Variants in C1QTNF8 observed in about 807,000 individuals in gnomAD.
C1QTNF8 encodes the protein C1q and TNF related 8, also known as complement C1q tumor necrosis factor-related protein 8.
A neutral mutation model predicts 19.2 loss-of-function variants in C1QTNF8; 27 were observed. That is an observed-to-expected ratio of 1.41 (90% CI 1.04 to 1.94). The LOEUF (loss-of-function observed/expected upper bound fraction) is 1.94. Ranked by LOEUF, C1QTNF8 falls within the 30% of genes most tolerant of loss-of-function variation. The probability of loss-of-function intolerance (pLI) is 0.00; values close to 1 mark genes in which losing one functional copy is unlikely to be tolerated. For missense variants in C1QTNF8, 484 were observed against 374.4 expected (o/e 1.29, Z -2.42); for synonymous variants, 208 against 172.8 (o/e 1.20, Z -1.60).
In C1QTNF8 at chr16:1,088,619, T is replaced by G. The variant is rs774959319; in HGVS notation, c.*1980A>C. Among the ~76,000 whole-genome samples the G allele has an allele frequency of 3.9e-5, 6 of 152,212 alleles. No homozygotes were observed. Among genetic ancestry groups the G allele is most frequent in the Non-Finnish European group, 8.8e-5 (6 of 68,034 alleles). ...CTCACTTTCAGTTCTCAGTCATTGTTTTTTAAACAAATAAACCTGGAAGGT... is the reference window on the plus strand; with the variant it reads ...CTCACTTTCAGTTCTCAGTCATTGTGTTTTAAACAAATAAACCTGGAAGGT... On this transcript the variant is annotated 3_prime_UTR_variant, in exon 5 of 5. Transcript: ENST00000328449.
rs1382096158 is a variant in C1QTNF8 at position 1,088,330 on chromosome 16, T to TC, written c.*2268dup. Among the ~76,000 whole-genome samples, 1 of 152,266 alleles carries TC rather than the reference T, an allele frequency of 6.6e-6. No homozygotes were observed. The highest frequency in any genetic ancestry group is 1.5e-5 in the Non-Finnish European group (1 of 68,046). ...GCTTGCCTGGAATGTCACAGGGATG[T>TC]CCCCGCGGGAAGCCGCGTTCCCCAG... On this transcript the variant is annotated 3_prime_UTR_variant, in exon 5 of 5. Transcript: ENST00000328449.
In C1QTNF8 at chr16:1,092,560, C is replaced by T. The variant is rs868314860; in HGVS notation, c.*4+937G>A. Among the ~76,000 whole-genome samples the T allele has an allele frequency of 4.7e-5, 6 of 127,560 alleles. No individual in the cohort carries two copies. In the South Asian group the frequency reaches 1.5e-3, roughly 32 times the overall value. The allele number at this position is 127,560 out of a possible 152,430, so 83.7% of individuals were successfully genotyped here. On this transcript the variant is annotated intron_variant, in intron 4 of 4. Transcript: ENST00000328449. The stretch of plus-strand genomic sequence containing the variant: ...ACAGTCGGCGCTCAATCAATCCCTG[C>T]ACACAGTCGGCGCTCAACCAATCCC...
At position 1,090,193 on chromosome 16, in the gene C1QTNF8, G is replaced by C. The variant is rs912916831; in HGVS notation, c.*406C>G. The C allele has an allele frequency of 2.0e-5, 3 of 152,434 alleles. No homozygotes were observed. The highest frequency in any genetic ancestry group is 2.9e-5 in the Non-Finnish European group (2 of 68,202). The allele number at this position is 152,434 out of a possible 1,614,324, so 9.4% of individuals were successfully genotyped here. A position where few individuals can be genotyped will look rare whatever the true frequency, so the allele number is the denominator to read the frequency against. On this transcript the variant is annotated 3_prime_UTR_variant, in exon 5 of 5. Transcript: ENST00000328449. ...ACACAAGGTGGGACTTGAGTACGGG[G>C]CCACTTGGGGGTGCTGAGGGGCAGC...
At position 1,089,287 on chromosome 16, in the gene C1QTNF8, C is replaced by G. The variant is rs1960494997; in HGVS notation, c.*1312G>C. ...CATGGCCAGCCGGGACCCCCACCCC[C>G]AGCAGCCCATACCCCCCACCTCTGG... On this transcript the variant is annotated 3_prime_UTR_variant, in exon 5 of 5. Transcript: ENST00000328449. 6.6e-6 allele frequency among the ~76,000 whole-genome samples: 1 copy of G among 152,166 alleles called. No individual in the cohort carries two copies. Among genetic ancestry groups the G allele is most frequent in the Non-Finnish European group, 1.5e-5 (1 of 68,010 alleles).
intron 3 of C1QTNF8, among the ~76,000 whole-genome samples, chr16:1,094,291 G>A (rs1229196426): frequency 6.6e-6 from 1 of 152,238 alleles, no homozygotes; most frequent in Admixed American, 6.5e-5. Context: ...TGGGGACATG[G>A]GTGGTCAGGG....
chr16:1,094,882 GGCAGCA>G lies in C1QTNF8; in HGVS notation c.35_40del (p.Leu12_Leu13del). 7.2e-7 allele frequency: 1 copy of G among 1,391,820 alleles called. No homozygotes were observed. The highest frequency in any genetic ancestry group is 9.4e-7 in the Non-Finnish European group (1 of 1,068,178). The allele number at this position is 1,391,820 out of a possible 1,614,324, so 86.2% of individuals were successfully genotyped here. ...GGGCAGCCCGGGCCAGGCCCCCACG[GGCAGCA>G]GCAGTGCTAGGAGCAGCAGGGCGGG... On this transcript the variant is annotated inframe_deletion, in exon 3 of 5. Coordinates refer to ENST00000328449, the MANE Select transcript of C1QTNF8 (RefSeq NM_207419.3).
In C1QTNF8 at chr16:1,088,737, A is replaced by G. The variant is rs1461490698; in HGVS notation, c.*1862T>C. 2.1e-5 allele frequency among the ~76,000 whole-genome samples: 1 copy of G among 46,690 alleles called. No individual in the cohort carries two copies. Among genetic ancestry groups the G allele is most frequent in the Admixed American group, 1.8e-4 (1 of 5,430 alleles). The allele number at this position is 46,690 out of a possible 152,430, so 30.6% of individuals were successfully genotyped here. On this transcript the variant is annotated 3_prime_UTR_variant, in exon 5 of 5. Coordinates refer to ENST00000328449, the MANE Select transcript of C1QTNF8 (RefSeq NM_207419.3). ...CAGGGTCGCCACTGGCATTCATTAG[A>G]CACCCCCGCCAGCTTCCAAGAGACC...
chr16:1,091,174 G>A (rs1960536416), intron 4 of C1QTNF8, among the ~76,000 whole-genome samples: 1 of 152,090 alleles, frequency 6.6e-6, no homozygotes, highest in Non-Finnish European at 1.5e-5. Context: ...GGGCACCTGG[G>A]ACCCCGCATC....
At position 1,094,049 on chromosome 16, in the gene C1QTNF8, C is replaced by A; in HGVS notation, c.211G>T (p.Glu71Ter). The A allele has an allele frequency of 6.9e-7, 1 of 1,452,228 alleles. No individual in the cohort carries two copies. Among genetic ancestry groups the A allele is most frequent in the South Asian group, 1.5e-5 (1 of 66,904 alleles). 90.0% of individuals were successfully genotyped at this position (1,452,228 alleles called of 1,614,324 possible). The change falls in exon 4 of 5, where the codon GAG becomes TAG. Residue 71 changes from glutamate (E) to a stop codon, truncating the protein, a stop_gained and splice_region_variant. Coordinates refer to ENST00000328449, the MANE Select transcript of C1QTNF8 (RefSeq NM_207419.3). LOFTEE classifies it high-confidence loss of function. ...PTIDIEILKG[E>*]KGEAGVRGRA... The stretch of plus-strand genomic sequence containing the variant: ...CCTCGGACGCCGGCCTCACCCTTCT[C>A]ACCTGCAGGGGACAAACGAAAGCCA...
In C1QTNF8 at chr16:1,094,628, C is replaced by T. The variant is rs571205823; in HGVS notation, c.208+87G>A. 23 of 1,161,354 alleles carry T rather than the reference C, an allele frequency of 2.0e-5. No homozygotes were observed. The East Asian group carries it at 6.4e-4, about 32-fold the overall frequency. 71.9% of individuals were successfully genotyped at this position (1,161,354 alleles called of 1,614,324 possible). A position where few individuals can be genotyped will look rare whatever the true frequency, so the allele number is the denominator to read the frequency against. On this transcript the variant is annotated intron_variant, in intron 3 of 4. Coordinates refer to ENST00000328449, the MANE Select transcript of C1QTNF8 (RefSeq NM_207419.3). ...GGTGCTCAGCGTGCCCCTCCCGCCCCTCCTCCCAAGCCCCAGGTGCTCCCC... is the reference window on the plus strand; with the variant it reads ...GGTGCTCAGCGTGCCCCTCCCGCCCTTCCTCCCAAGCCCCAGGTGCTCCCC...
chr16:1,091,889 G>C (rs1198676784), intron 4 of C1QTNF8, among the ~76,000 whole-genome samples: 1 of 150,946 alleles, frequency 6.6e-6, no homozygotes, highest in Non-Finnish European at 1.5e-5. Context: ...CCGCCTGGAA[G>C]TGACCGTCTT....
In C1QTNF8 at chr16:1,094,744, C is replaced by A; in HGVS notation, c.179G>T (p.Arg60Leu). ...GDLWRGLPRVRPTIDIEILKG... is the reference protein window; with the variant it reads ...GDLWRGLPRVLPTIDIEILKG... ...GAGGATTTCGATGTCTATAGTGGGC[C>A]GTACTCGAGGCAGCCCCCTCCACAG... is the stretch of plus-strand genomic sequence containing the variant. Residue 60 changes from arginine to leucine, a missense_variant, in exon 3 of 5, where the codon CGG becomes CTG. By Grantham distance (102) the Arg-to-Leu change is moderately radical. Transcript: ENST00000328449. The A allele has an allele frequency of 6.4e-7, 1 of 1,570,562 alleles. No individual in the cohort carries two copies. Among genetic ancestry groups the A allele is most frequent in the Non-Finnish European group, 8.6e-7 (1 of 1,160,550 alleles).
Position 1,089,168 on chromosome 16 carries a change from AGAG to A in C1QTNF8, c.*1428_*1430del, listed in dbSNP as rs1347571219. 1.3e-5 allele frequency among the ~76,000 whole-genome samples: 2 copies of A among 152,092 alleles called. No individual in the cohort carries two copies. Among genetic ancestry groups the A allele is most frequent in the African/African-American group, 2.4e-5 (1 of 41,410 alleles). ...CCCAGCACAGAACAGGCAGCCTGCG[AGAG>A]GAGATGTCCTCCCTGGCCCTGGGGT... On this transcript the variant is annotated 3_prime_UTR_variant, in exon 5 of 5. Coordinates refer to ENST00000328449, the MANE Select transcript of C1QTNF8 (RefSeq NM_207419.3).
intron 4 of C1QTNF8, 127 bp downstream of exon 4, chr16:1,093,370 G>GGCCCCCCCCCCCCCCCCCCCCC: frequency 4.8e-6 from 2 of 417,556 alleles, no homozygotes; most frequent in Non-Finnish European, 4.4e-6. Flanking sequence ...AAGCTCCGCT[G>GGCCCCCCCCCCCCCCCCCCCCC]CCCGCCCACC....
In C1QTNF8 at chr16:1,093,934, C is replaced by G; in HGVS notation, c.326G>C (p.Gly109Ala). The part of the protein sequence containing the change: ...RGQKGQVGPP[G>A]AACRRAYAAF... The stretch of plus-strand genomic sequence containing the variant: ...GGCGTAGGCACGTCGGCACGCGGCG[C>G]CCGGCGGCCCCACCTGCCCCTTCTG... Residue 109 changes from glycine (G) to alanine (A), a missense_variant, in exon 4 of 5, where the codon GGC becomes GCC. Coordinates refer to ENST00000328449, the MANE Select transcript of C1QTNF8 (RefSeq NM_207419.3). 4.0e-6 allele frequency: 6 copies of G among 1,500,176 alleles called. No homozygotes were observed. The South Asian group carries it at 7.7e-5, about 19-fold the overall frequency. 92.9% of individuals were successfully genotyped at this position (1,500,176 alleles called of 1,614,324 possible).
rs930660842 is a variant in C1QTNF8, at chr16:1,088,876, G to A, written c.*1723C>T. ...CTATAGGCCACGGCGACGTCTGTGC[G>A]GGGAGGTCCAGCCTGTCCCTCGGAA... is the stretch of plus-strand genomic sequence containing the variant. On this transcript the variant is annotated 3_prime_UTR_variant, in exon 5 of 5. Coordinates refer to ENST00000328449, the MANE Select transcript of C1QTNF8 (RefSeq NM_207419.3). Among the ~76,000 whole-genome samples the A allele has an allele frequency of 1.4e-4, 16 of 110,890 alleles. No individual in the cohort carries two copies. The highest frequency in any genetic ancestry group is 4.1e-4 in the East Asian group (2 of 4,878). 72.7% of individuals were successfully genotyped at this position (110,890 alleles called of 152,430 possible).
At position 1,093,746 on chromosome 16, in the gene C1QTNF8, T is replaced by A. The variant is rs754092162; in HGVS notation, c.514A>T (p.Thr172Ser). Residue 172 changes from threonine to serine, a missense_variant, in exon 4 of 5, where the codon ACC (threonine) becomes TCC (serine). Thr to Ser is a moderately conservative substitution (Grantham distance 58). Transcript: ENST00000328449. Reference sequence around the variant, plus strand: ...AGGTAGGTCTCCTTGTAGTTCCAGGTGTGCACGTTGAGGCTGAGGAAGTAG... The same window carrying A: ...AGGTAGGTCTCCTTGTAGTTCCAGGAGTGCACGTTGAGGCTGAGGAAGTAG... ...GVYFLSLNVH[T>S]WNYKETYLHI... 2 of 1,611,998 alleles carry A rather than the reference T, an allele frequency of 1.2e-6. No homozygotes were observed. Among genetic ancestry groups the A allele is most frequent in the Non-Finnish European group, 1.7e-6 (2 of 1,179,634 alleles).
intron 3 of C1QTNF8, among the ~76,000 whole-genome samples, chr16:1,094,339 G>A (rs1430468912): frequency 2.6e-5 from 4 of 152,298 alleles, no homozygotes; most frequent in East Asian, 3.9e-4. Flanking sequence ...AGAATGAGAA[G>A]GCTGGGAAGG....
rs949487091 is a variant in C1QTNF8, at chr16:1,089,814, C to T, written c.*785G>A. Among the ~76,000 whole-genome samples, 4 of 152,320 alleles carry T rather than the reference C, an allele frequency of 2.6e-5. No homozygotes were observed. The highest frequency in any genetic ancestry group is 7.2e-5 in the African/African-American group (3 of 41,564). On this transcript the variant is annotated 3_prime_UTR_variant, in exon 5 of 5. Transcript: ENST00000328449. Reference sequence around the variant, plus strand: ...GGCCTGGGGTCTGCCAATCTCCCCTCGGCCCACCCCTTCCTGTTCGGGCGC... The same window carrying T: ...GGCCTGGGGTCTGCCAATCTCCCCTTGGCCCACCCCTTCCTGTTCGGGCGC...
Sources: allele counts gnomAD v4.1 joint callset (sites outside exome capture counted in the v4.1 genomes callset), GRCh38; gene constraint gnomAD v4.1.1; transcripts MANE v1.5; gene names NCBI Gene and HGNC (gene_info 2026-07-23, HGNC 2026-07-21).